The following CD46 variants were observed in gnomAD, a reference collection of about 807,000 sequenced individuals.
The protein encoded by CD46 is membrane cofactor protein.
CD46 carries 30 observed loss-of-function variants against 53.3 expected under a neutral mutation model. The ratio of observed to expected loss-of-function variants is 0.56; its 90% CI spans 0.42 to 0.76. The LOEUF (loss-of-function observed/expected upper bound fraction) is 0.76, where lower values mean the gene tolerates loss of function less well. CD46 is among the 30% of genes least tolerant of loss of function. The pLI, the probability that CD46 is intolerant of heterozygous loss-of-function variation, is 0.00. For synonymous variants in CD46, 142 were observed against 152.0 expected (o/e 0.93, Z 0.48); for missense variants, 409 against 463.0 (o/e 0.88, Z 1.07).
rs192689725 is a variant in CD46, at chr1:207,771,725, C to T, written c.943+1363C>T. On this transcript the variant is annotated intron_variant, in intron 8 of 12. Coordinates refer to ENST00000367042, the MANE Select transcript of CD46 (RefSeq NM_172351.3). The stretch of plus-strand genomic sequence containing the variant: ...TGGTTGTAGATGTGAGTTGTTATTT[C>T]TAAGGCCTCTATTCTGTTCCATTGA... Among the ~76,000 whole-genome samples the T allele has an allele frequency of 3.9e-5, 6 of 152,286 alleles. No homozygotes were observed. The East Asian group carries it at 1.2e-3, about 29-fold the overall frequency.
intron 9 of CD46, among the ~76,000 whole-genome samples, 160 bp from the exon 10 acceptor site, chr1:207,784,911 G>T (rs535946682): frequency 3.9e-5 from 6 of 152,188 alleles, no homozygotes; most frequent in African/African-American, 1.4e-4. Context: ...CTCTCATGGG[G>T]TCCCTCCCAC....
chr1:207,767,292 T>A, intron 6 of CD46, 97 bp downstream of exon 6: 1 of 1,099,150 alleles, frequency 9.1e-7, no homozygotes, highest in Non-Finnish European at 1.4e-6. Flanking sequence ...TCATACAAAA[T>A]AACTGAAAAG....
chr1:207,768,356 C>T (rs1271730081), intron 7 of CD46: 1 of 154,864 alleles, frequency 6.5e-6, no homozygotes, highest in Non-Finnish European at 1.4e-5. Context: ...TCTGTTGACA[C>T]CTTTACTGAG....
At position 207,766,948 on chromosome 1, in the gene CD46, A is replaced by G. The variant is rs913971995; in HGVS notation, c.674-65A>G. 3.9e-6 allele frequency: 5 copies of G among 1,285,512 alleles called. No homozygotes were observed. The Admixed American group carries it at 8.8e-5, about 23-fold the overall frequency. The allele number at this position is 1,285,512 out of a possible 1,614,324, so 79.6% of individuals were successfully genotyped here. ...GTCTCTGTTCACACTGGAAATTACTACTTTGTACTACTTTTTCTGCTAAAG... is the reference window on the plus strand; with the variant it reads ...GTCTCTGTTCACACTGGAAATTACTGCTTTGTACTACTTTTTCTGCTAAAG... On this transcript the variant is annotated intron_variant, in intron 5 of 12. Coordinates refer to ENST00000367042, the MANE Select transcript of CD46 (RefSeq NM_172351.3).
chr1:207,770,986 C>T (rs1242952056), intron 8 of CD46, among the ~76,000 whole-genome samples: 1 of 152,132 alleles, frequency 6.6e-6, no homozygotes, highest in Admixed American at 6.5e-5. Context: ...CACTGTCTTC[C>T]ACAATGGTTG....
chr1:207,763,381 GCCCCAGACCCAT>G (rs1316558652), intron 5 of CD46: 1 of 152,378 alleles, frequency 6.6e-6, no homozygotes, highest in Non-Finnish European at 1.5e-5. Flanking sequence ...AGGGTCTGCA[GCCCCAGACCCAT>G]CCCCTTCCTT....
intron 1 of CD46, among the ~76,000 whole-genome samples, chr1:207,756,391 T>A (rs1370936171): frequency 6.6e-6 from 1 of 152,246 alleles, no homozygotes; most frequent in Non-Finnish European, 1.5e-5. Context: ...CTTGAGCCTT[T>A]TGTTTGACTT....
At chr1:207,757,741 A>C in intron 3 of CD46, 99 bp downstream of exon 3, 3 of 789,952 alleles carry the variant, frequency 3.8e-6, no homozygotes, top group Non-Finnish European at 6.5e-6. Flanking sequence ...TTTGCTTTCT[A>C]TGTGACAAGT....
At chr1:207,787,412 C>A (rs536248799) in intron 11 of CD46, among the ~76,000 whole-genome samples, 2 of 152,156 alleles carry the variant, frequency 1.3e-5, no homozygotes, top group Admixed American at 6.5e-5. Flanking sequence ...CTGACTGTTA[C>A]ACTCCCAAAT....
At chr1:207,774,782 G>A (rs1407222290) in intron 8 of CD46, among the ~76,000 whole-genome samples, 1 of 152,196 alleles carries the variant, frequency 6.6e-6, no homozygotes, top group Non-Finnish European at 1.5e-5. Flanking sequence ...CCCTTTGTGG[G>A]TAACCTGACC....
chr1:207,764,725 A>T (rs1018584782), intron 5 of CD46, among the ~76,000 whole-genome samples: 1 of 152,238 alleles, frequency 6.6e-6, no homozygotes, highest in Non-Finnish European at 1.5e-5. Flanking sequence ...AAATGGACAG[A>T]TTCCTTGAAA....
intron 8 of CD46, among the ~76,000 whole-genome samples, chr1:207,774,438 G>C (rs1405908056): frequency 6.6e-6 from 1 of 152,196 alleles, no homozygotes; most frequent in African/African-American, 2.4e-5. Context: ...ATGTTAGCTG[G>C]TTATTTTGCC....
Position 207,759,748 on chromosome 1 carries a change from A to G in CD46, c.475+24A>G. ...AAGTAAGTAAATTCTTTTTTTTTAA[A>G]TTTAGACCAGTAGTCCTCAAAGATT... On this transcript the variant is annotated intron_variant, in intron 4 of 12. Transcript: ENST00000367042. 3 of 1,417,126 alleles carry G rather than the reference A, an allele frequency of 2.1e-6. No homozygotes were observed. The African/African-American group carries it at 4.2e-5, about 20-fold the overall frequency. 87.8% of individuals were successfully genotyped at this position (1,417,126 alleles called of 1,614,324 possible).
chr1:207,761,227 C>T (rs1229633709), intron 4 of CD46, 22 bp from the exon 5 acceptor site: 1 of 1,481,926 alleles, frequency 6.7e-7, no homozygotes, highest in African/African-American at 1.4e-5. Flanking sequence ...CATTTCCTTT[C>T]CTCTTTTTCT....
intron 11 of CD46, among the ~76,000 whole-genome samples, chr1:207,789,544 C>A (rs1024209021): frequency 9.2e-5 from 14 of 152,234 alleles, no homozygotes; most frequent in Admixed American, 7.9e-4. Flanking sequence ...AAAATTAGAT[C>A]CATCTCAGAA....
intron 11 of CD46, among the ~76,000 whole-genome samples, chr1:207,787,855 C>G (rs1659412637): frequency 6.6e-6 from 1 of 152,106 alleles, no homozygotes; most frequent in African/African-American, 2.4e-5. Context: ...GGTGGTTTAT[C>G]TTTCTTCTTC....
At chr1:207,767,368 A>C in intron 6 of CD46, 173 bp downstream of exon 6, 1 of 743,054 alleles carries the variant, frequency 1.3e-6, no homozygotes, top group Non-Finnish European at 2.3e-6. Context: ...CACGAAATTC[A>C]CATAAAATTC....
intron 1 of CD46, among the ~76,000 whole-genome samples, chr1:207,753,274 A>G (rs1022304835): frequency 1.6e-4 from 24 of 152,252 alleles, no homozygotes; most frequent in Non-Finnish European, 3.1e-4. Context: ...AGGAAGGCAG[A>G]TAATGTTAAT....
At chr1:207,769,531 G>A (rs181741359) in intron 7 of CD46, 28 of 152,280 alleles carry the variant, frequency 1.8e-4, no homozygotes, top group African/African-American at 6.7e-4. Flanking sequence ...TAAAACACTG[G>A]TATAGCTTAG....
Sources: allele counts gnomAD v4.1 joint callset (sites outside exome capture counted in the v4.1 genomes callset), GRCh38; gene constraint gnomAD v4.1.1; transcripts MANE v1.5; gene names NCBI Gene and HGNC (gene_info 2026-07-23, HGNC 2026-07-21).